The following OR5H1 variants were observed in gnomAD, a reference collection of about 807,000 sequenced individuals.
OR5H1 encodes olfactory receptor 5H1.
For synonymous variants in OR5H1, 124 were observed against 134.4 expected, an observed-to-expected ratio of 0.92 and a Z score of 0.54; for missense variants, 378 against 366.8, an observed-to-expected ratio of 1.03 and a Z score of -0.25.
Position 98,132,547 on chromosome 3 carries a change from C to T in OR5H1, c.-18-133C>T, listed in dbSNP as rs151028914. 1,316 of 926,264 alleles carry T rather than the reference C, an allele frequency of 1.4e-3. 2 individuals carry two copies. The highest frequency in any genetic ancestry group is 1.9e-3 in the Non-Finnish European group (1,219 of 625,512). 57.4% of individuals were successfully genotyped at this position (926,264 alleles called of 1,614,324 possible). The stretch of plus-strand genomic sequence containing the variant: ...GTCTTTATTGCAACAAATAGAGATT[C>T]ATCAGCTATAGGACTGATCAAAAAA... On this transcript the variant is annotated intron_variant, in intron 1 of 1. Transcript: ENST00000641874.
rs193204621 is a variant in OR5H1, at chr3:98,136,967, A to G, written c.*3328A>G. On this transcript the variant is annotated 3_prime_UTR_variant, in exon 2 of 2. Transcript: ENST00000641874. ...TCAAGAATTTCTTTATTGCAACACT[A>G]AATGGAATGAGGCAGGGCTTAATTG... The G allele has an allele frequency of 6.6e-6, 1 of 152,342 alleles. No homozygotes were observed. Among genetic ancestry groups the G allele is most frequent in the African/African-American group, 2.4e-5 (1 of 41,576 alleles). 9.4% of individuals were successfully genotyped at this position (152,342 alleles called of 1,614,324 possible). A position where few individuals can be genotyped will look rare whatever the true frequency, so the allele number is the denominator to read the frequency against.
Position 98,138,285 on chromosome 3 carries a change from G to A in OR5H1, c.*4646G>A, listed in dbSNP as rs1559805318. 2.0e-5 allele frequency: 3 copies of A among 152,214 alleles called. No homozygotes were observed. Among genetic ancestry groups the A allele is most frequent in the Admixed American group, 1.3e-4 (2 of 15,274 alleles). The allele number at this position is 152,214 out of a possible 1,614,324, so 9.4% of individuals were successfully genotyped here. A position where few individuals can be genotyped will look rare whatever the true frequency, so the allele number is the denominator to read the frequency against. On this transcript the variant is annotated 3_prime_UTR_variant, in exon 2 of 2. Coordinates refer to ENST00000641874, the MANE Select transcript of OR5H1 (RefSeq NM_001005338.2). ...GTTTCACAATGTCCTACCATACGAT[G>A]TCTGGAATCTATAGATAACAACAGT...
chr3:98,133,335 C>G lies in OR5H1; in HGVS notation c.638C>G (p.Thr213Ser), dbSNP rs752673169. The change falls in exon 2 of 2, where the codon ACT (threonine) becomes AGT (serine). Residue 213 changes from threonine (T) to serine (S), a missense_variant. Transcript: ENST00000641874. ...TCAATTCAGGTATTCAGCATTGTGA[C>G]TATTCTTGTATCTTATACATTTGTT... Reference protein sequence around the residue: ...SGSIQVFSIVTILVSYTFVLF... With the variant: ...SGSIQVFSIVSILVSYTFVLF... 2 of 1,613,302 alleles carry G rather than the reference C, an allele frequency of 1.2e-6. No individual in the cohort carries two copies. Among genetic ancestry groups the G allele is most frequent in the Non-Finnish European group, 1.7e-6 (2 of 1,179,654 alleles).
In OR5H1 at chr3:98,136,980, C is replaced by T. The variant is rs1708328484; in HGVS notation, c.*3341C>T. 1 of 152,276 alleles carries T rather than the reference C, an allele frequency of 6.6e-6. No individual in the cohort carries two copies. Among genetic ancestry groups the T allele is most frequent in the South Asian group, 2.1e-4 (1 of 4,826 alleles). 9.4% of individuals were successfully genotyped at this position (152,276 alleles called of 1,614,324 possible). A position where few individuals can be genotyped will look rare whatever the true frequency, so the allele number is the denominator to read the frequency against. The stretch of plus-strand genomic sequence containing the variant: ...TATTGCAACACTAAATGGAATGAGG[C>T]AGGGCTTAATTGGATGCATAAAGTC... On this transcript the variant is annotated 3_prime_UTR_variant, in exon 2 of 2. Coordinates refer to ENST00000641874, the MANE Select transcript of OR5H1 (RefSeq NM_001005338.2).
intron 1 of OR5H1, 134 bp from the exon 2 acceptor site, chr3:98,132,544 ATT>A: frequency 1.1e-6 from 1 of 916,778 alleles, no homozygotes; most frequent in Non-Finnish European, 1.6e-6. Flanking sequence ...ACAAATAGAG[ATT>A]CATCAGCTAT....
At position 98,134,557 on chromosome 3, in the gene OR5H1, A is replaced by G. The variant is rs1291127946; in HGVS notation, c.*918A>G. ...TGTCATGTAAGTTCAAATAATGTTA[A>G]CATGATACGACATCATGGTGCCCAG... On this transcript the variant is annotated 3_prime_UTR_variant, in exon 2 of 2. Coordinates refer to ENST00000641874, the MANE Select transcript of OR5H1 (RefSeq NM_001005338.2). The G allele has an allele frequency of 6.6e-6, 1 of 152,118 alleles. No homozygotes were observed. Among genetic ancestry groups the G allele is most frequent in the Non-Finnish European group, 1.5e-5 (1 of 67,976 alleles). 9.4% of individuals were successfully genotyped at this position (152,118 alleles called of 1,614,324 possible). A position where few individuals can be genotyped will look rare whatever the true frequency, so the allele number is the denominator to read the frequency against.
intron 1 of OR5H1, among the ~76,000 whole-genome samples, 161 bp from the exon 2 acceptor site, chr3:98,132,519 C>A (rs1164474209): frequency 6.6e-6 from 1 of 152,060 alleles, no homozygotes; most frequent in African/African-American, 2.4e-5. Flanking sequence ...ATCATTTTTT[C>A]ATGTCTTTAT....
Position 98,134,002 on chromosome 3 carries a change from A to T in OR5H1, c.*363A>T. ...TACTACTGAATTACCTGCGATATCC[A>T]TCATATACCATAACTGAGGCAGATT... On this transcript the variant is annotated 3_prime_UTR_variant, in exon 2 of 2. Transcript: ENST00000641874. The T allele has an allele frequency of 5.2e-6, 1 of 192,910 alleles. No homozygotes were observed. The highest frequency in any genetic ancestry group is 1.1e-5 in the Non-Finnish European group (1 of 92,894). 11.9% of individuals were successfully genotyped at this position (192,910 alleles called of 1,614,324 possible).
At position 98,133,691 on chromosome 3, in the gene OR5H1, AC is replaced by A. The variant is rs756193755; in HGVS notation, c.*54del. On this transcript the variant is annotated 3_prime_UTR_variant, in exon 2 of 2. Coordinates refer to ENST00000641874, the MANE Select transcript of OR5H1 (RefSeq NM_001005338.2). ...TCACAAAATTATGCAAGTTAGAGGT[AC>A]CTATGTTGTTTCCAGTGTTCAAACA... The A allele has an allele frequency of 1.4e-6, 2 of 1,441,966 alleles. No homozygotes were observed. Among genetic ancestry groups the A allele is most frequent in the Non-Finnish European group, 1.9e-6 (2 of 1,044,686 alleles). 89.3% of individuals were successfully genotyped at this position (1,441,966 alleles called of 1,614,324 possible).
chr3:98,130,912 T>A (rs1396620456), intron 1 of OR5H1, 62 bp downstream of exon 1: 1 of 152,136 alleles, frequency 6.6e-6, no homozygotes, highest in Non-Finnish European at 1.5e-5. Flanking sequence ...ATAATGCCAT[T>A]TAATTCATTA....
chr3:98,134,872 A>C lies in OR5H1; in HGVS notation c.*1233A>C, dbSNP rs1228844992. ...CTCACTTCCCCAAAATGGCTGTTAG[A>C]TTGTTTTTTCAAATGGAACTCTAAC... On this transcript the variant is annotated 3_prime_UTR_variant, in exon 2 of 2. Transcript: ENST00000641874. 1.3e-5 allele frequency: 2 copies of C among 152,028 alleles called. No individual in the cohort carries two copies. Among genetic ancestry groups the C allele is most frequent in the African/African-American group, 4.8e-5 (2 of 41,410 alleles). 9.4% of individuals were successfully genotyped at this position (152,028 alleles called of 1,614,324 possible).
In OR5H1 at chr3:98,134,500, T is replaced by G. The variant is rs143092358; in HGVS notation, c.*861T>G. 1 of 152,226 alleles carries G rather than the reference T, an allele frequency of 6.6e-6. No individual in the cohort carries two copies. Among genetic ancestry groups the G allele is most frequent in the East Asian group, 1.9e-4 (1 of 5,184 alleles). 9.4% of individuals were successfully genotyped at this position (152,226 alleles called of 1,614,324 possible). A position where few individuals can be genotyped will look rare whatever the true frequency, so the allele number is the denominator to read the frequency against. Reference sequence around the variant, plus strand: ...CAATAATATTGCAAGGTTGTTGGAATGTGTTGTTATCAACAAGAAGTTTTA... The same window carrying G: ...CAATAATATTGCAAGGTTGTTGGAAGGTGTTGTTATCAACAAGAAGTTTTA... On this transcript the variant is annotated 3_prime_UTR_variant, in exon 2 of 2. Coordinates refer to ENST00000641874, the MANE Select transcript of OR5H1 (RefSeq NM_001005338.2).
Position 98,137,383 on chromosome 3 carries a change from G to C in OR5H1, c.*3744G>C, listed in dbSNP as rs1708332177. On this transcript the variant is annotated 3_prime_UTR_variant, in exon 2 of 2. Coordinates refer to ENST00000641874, the MANE Select transcript of OR5H1 (RefSeq NM_001005338.2). Reference sequence around the variant, plus strand: ...AGATTAGACAGATACTTTGCATACAGGGATGTTTCCTTTATGTTATTTAGT... The same window carrying C: ...AGATTAGACAGATACTTTGCATACACGGATGTTTCCTTTATGTTATTTAGT... The C allele has an allele frequency of 6.6e-6, 1 of 152,132 alleles. No homozygotes were observed. The highest frequency in any genetic ancestry group is 1.5e-5 in the Non-Finnish European group (1 of 68,022). 9.4% of individuals were successfully genotyped at this position (152,132 alleles called of 1,614,324 possible). A position where few individuals can be genotyped will look rare whatever the true frequency, so the allele number is the denominator to read the frequency against.
chr3:98,136,292 C>G lies in OR5H1; in HGVS notation c.*2653C>G, dbSNP rs1708316942. On this transcript the variant is annotated 3_prime_UTR_variant, in exon 2 of 2. Coordinates refer to ENST00000641874, the MANE Select transcript of OR5H1 (RefSeq NM_001005338.2). ...AAGTTGGAATAGGAATTGATCATCT[C>G]TTTTTAAGAAGGCCTCATTACGACC... 6.6e-6 allele frequency: 1 copy of G among 152,162 alleles called. No homozygotes were observed. The highest frequency in any genetic ancestry group is 1.5e-5 in the Non-Finnish European group (1 of 68,028). The allele number at this position is 152,162 out of a possible 1,614,324, so 9.4% of individuals were successfully genotyped here. A position where few individuals can be genotyped will look rare whatever the true frequency, so the allele number is the denominator to read the frequency against.
Position 98,136,625 on chromosome 3 carries a change from T to C in OR5H1, c.*2986T>C, listed in dbSNP as rs1330978284. 1 of 152,112 alleles carries C rather than the reference T, an allele frequency of 6.6e-6. No individual in the cohort carries two copies. The highest frequency in any genetic ancestry group is 2.4e-5 in the African/African-American group (1 of 41,418). 9.4% of individuals were successfully genotyped at this position (152,112 alleles called of 1,614,324 possible). A position where few individuals can be genotyped will look rare whatever the true frequency, so the allele number is the denominator to read the frequency against. On this transcript the variant is annotated 3_prime_UTR_variant, in exon 2 of 2. Coordinates refer to ENST00000641874, the MANE Select transcript of OR5H1 (RefSeq NM_001005338.2). Reference sequence around the variant, plus strand: ...AATTTGATTCCAAATTCTGGAGGTGTCGAAGATGGGAGGTGTTTGGGTCAT... The same window carrying C: ...AATTTGATTCCAAATTCTGGAGGTGCCGAAGATGGGAGGTGTTTGGGTCAT...
In OR5H1 at chr3:98,136,616, C is replaced by G. The variant is rs757697436; in HGVS notation, c.*2977C>G. The G allele has an allele frequency of 6.6e-6, 1 of 152,088 alleles. No individual in the cohort carries two copies. Among genetic ancestry groups the G allele is most frequent in the Non-Finnish European group, 1.5e-5 (1 of 68,012 alleles). The allele number at this position is 152,088 out of a possible 1,614,324, so 9.4% of individuals were successfully genotyped here. ...TCATATTAAAATTTGATTCCAAATT[C>G]TGGAGGTGTCGAAGATGGGAGGTGT... is the stretch of plus-strand genomic sequence containing the variant. On this transcript the variant is annotated 3_prime_UTR_variant, in exon 2 of 2. Transcript: ENST00000641874.
In OR5H1 at chr3:98,133,575, G is replaced by T. The variant is rs1559804377; in HGVS notation, c.878G>T (p.Arg293Ile). 6.2e-7 allele frequency: 1 copy of T among 1,612,230 alleles called. No homozygotes were observed. The highest frequency in any genetic ancestry group is 1.3e-5 in the African/African-American group (1 of 74,906). Reference sequence around the variant, plus strand: ...TTAAATCCTATCATCTACAGTCTGAGAAATAAGCAAGTCACAGTTTCATTC... The same window carrying T: ...TTAAATCCTATCATCTACAGTCTGATAAATAAGCAAGTCACAGTTTCATTC... ...PLLNPIIYSLRNKQVTVSFTK... is the reference protein window; with the variant it reads ...PLLNPIIYSLINKQVTVSFTK... Residue 293 changes from arginine to isoleucine, a missense_variant, in exon 2 of 2, where the codon AGA becomes ATA. By Grantham distance (97) the Arg-to-Ile change is moderately conservative (BLOSUM62 -3). Coordinates refer to ENST00000641874, the MANE Select transcript of OR5H1 (RefSeq NM_001005338.2).
rs1708329155 is a variant in OR5H1, at chr3:98,137,039, C to T, written c.*3400C>T. On this transcript the variant is annotated 3_prime_UTR_variant, in exon 2 of 2. Transcript: ENST00000641874. ...GTTTCTTAAAATTCTCCAGTCATAT[C>T]TAATTTTATGCACATTCTCCAATGT... 1 of 152,118 alleles carries T rather than the reference C, an allele frequency of 6.6e-6. No individual in the cohort carries two copies. Among genetic ancestry groups the T allele is most frequent in the East Asian group, 1.9e-4 (1 of 5,190 alleles). The allele number at this position is 152,118 out of a possible 1,614,324, so 9.4% of individuals were successfully genotyped here.
intron 1 of OR5H1, among the ~76,000 whole-genome samples, chr3:98,131,545 AAGG>A (rs139927332): frequency 0.017 from 2,650 of 151,912 alleles, 79 homozygotes; most frequent in African/African-American, 0.056. Context: ...GATGGCAAAA[AAGG>A]AGATCACACC....
Sources: gnomAD v4.1 joint callset for allele counts (sites outside exome capture counted in the v4.1 genomes callset) on GRCh38, gnomAD v4.1.1 for gene constraint, MANE v1.5 for transcripts, NCBI Gene and HGNC (gene_info 2026-07-23, HGNC 2026-07-21) for gene names.